The following LAMA2 variants were observed in gnomAD, a reference collection of about 807,000 sequenced individuals.
LAMA2 encodes laminin subunit alpha-2.
A neutral mutation model predicts 364.8 loss-of-function variants in LAMA2; 269 were observed. That is an observed-to-expected ratio of 0.74 (90% CI 0.67 to 0.82). The LOEUF (loss-of-function observed/expected upper bound fraction) is 0.82, where lower values mean the gene tolerates loss of function less well. LAMA2 is among the 40% of genes least tolerant of loss of function. The probability of loss-of-function intolerance (pLI) is 0.00; values close to 1 mark genes in which losing one functional copy is unlikely to be tolerated. For synonymous variants in LAMA2, 1,379 were observed against 1,370.6 expected, an observed-to-expected ratio of 1.01 and a Z score of -0.14; for missense variants, 3,807 against 3,873.2, an observed-to-expected ratio of 0.98 and a Z score of 0.45.
intron 10 of LAMA2, among the ~76,000 whole-genome samples, chr6:129,185,258 A>C (rs1245983987): frequency 6.6e-6 from 1 of 151,914 alleles, no homozygotes; most frequent in Non-Finnish European, 1.5e-5. Context: ...TATGAGAAAG[A>C]ATACAAGAAA....
At chr6:128,962,981 T>C (rs773025032) in intron 1 of LAMA2, among the ~76,000 whole-genome samples, 1 of 152,184 alleles carries the variant, frequency 6.6e-6, no homozygotes, top group Non-Finnish European at 1.5e-5. Flanking sequence ...TGATGAGAGA[T>C]AAAGATAATT....
chr6:129,150,820 T>C (rs1316742001), intron 7 of LAMA2, among the ~76,000 whole-genome samples: 2 of 152,158 alleles, frequency 1.3e-5, no homozygotes, highest in East Asian at 3.9e-4. Flanking sequence ...GTAAAAATTT[T>C]CTTTTCCAAG....
chr6:129,199,655 T>C (rs1032436291), intron 12 of LAMA2, among the ~76,000 whole-genome samples: 2 of 152,074 alleles, frequency 1.3e-5, no homozygotes, highest in Non-Finnish European at 2.9e-5. Flanking sequence ...TATACAAAAG[T>C]CAATCATGTT....
intron 1 of LAMA2, among the ~76,000 whole-genome samples, chr6:129,004,695 T>G (rs1784333627): frequency 6.6e-6 from 1 of 152,162 alleles, no homozygotes; most frequent in South Asian, 2.1e-4. Flanking sequence ...TAGTGTACTT[T>G]TCTTATTTTC....
chr6:129,454,425 C>A, intron 47 of LAMA2, 137 bp downstream of exon 47: 1 of 686,012 alleles, frequency 1.5e-6, no homozygotes, highest in Admixed American at 2.4e-5. Flanking sequence ...GAATTTTATA[C>A]ATGTCTGGGA....
intron 28 of LAMA2, 91 bp downstream of exon 28, chr6:129,320,746 T>C (rs550079304): frequency 1.3e-6 from 1 of 741,948 alleles, no homozygotes; most frequent in South Asian, 1.4e-5. Flanking sequence ...GCATACATAT[T>C]CTTAATCTAT....
chr6:129,210,600 G>C (rs1196633305), intron 12 of LAMA2, among the ~76,000 whole-genome samples: 1 of 152,154 alleles, frequency 6.6e-6, no homozygotes, highest in African/African-American at 2.4e-5. Context: ...AGAGTTTCTA[G>C]CTCTTTCTGA....
At chr6:129,224,355 T>C (rs1172232102) in intron 12 of LAMA2, among the ~76,000 whole-genome samples, 1 of 152,232 alleles carries the variant, frequency 6.6e-6, no homozygotes, top group Non-Finnish European at 1.5e-5. Context: ...CCTGCCTGAT[T>C]GCCCTGGCCA....
intron 1 of LAMA2, among the ~76,000 whole-genome samples, chr6:128,966,339 C>T (rs1781839964): frequency 6.6e-6 from 1 of 151,868 alleles, no homozygotes; most frequent in South Asian, 2.1e-4. Flanking sequence ...GTTTAAGATC[C>T]TTAAAGATCT....
In LAMA2 at chr6:129,098,399, C is replaced by A. The variant is rs183890063; in HGVS notation, c.623C>A (p.Pro208His). The stretch of plus-strand genomic sequence containing the variant: ...ACTTCATTTTACTCCAAGATACACC[C>A]CTTAGAAAATGGAGAGGTAAGATGA... ...ICTSFYSKIH[P>H]LENGEIHISL... Residue 208 changes from proline to histidine, a missense_variant, in exon 4 of 65, where the codon CCC (proline) becomes CAC (histidine). Pro to His is a moderately conservative substitution (Grantham distance 77). Transcript: ENST00000421865. 1.3e-4 allele frequency: 205 copies of A among 1,613,874 alleles called. No individual in the cohort carries two copies. Among genetic ancestry groups the A allele is most frequent in the Admixed American group, 7.5e-4 (45 of 60,004 alleles).
intron 32 of LAMA2, among the ~76,000 whole-genome samples, chr6:129,355,111 AT>A (rs1777078489): frequency 1.3e-5 from 2 of 152,170 alleles, no homozygotes; most frequent in South Asian, 4.1e-4. Context: ...CCAGAAAAAA[AT>A]ATTAAATTAT....
chr6:129,272,560 T>TAA (rs959300611), intron 17 of LAMA2, among the ~76,000 whole-genome samples: 1 of 151,360 alleles, frequency 6.6e-6, no homozygotes, highest in Non-Finnish European at 1.5e-5. Context: ...AAGACTTCTT[T>TAA]AAAAAAAAAT....
chr6:128,926,834 A>ATAAC lies in LAMA2; in HGVS notation c.112+43478_112+43481dup, dbSNP rs371156074. Among the ~76,000 whole-genome samples, 679 of 152,322 alleles carry ATAAC rather than the reference A, an allele frequency of 4.5e-3. 6 individuals carry two copies. Among genetic ancestry groups the ATAAC allele is most frequent in the African/African-American group, 0.015 (633 of 41,576 alleles). On this transcript the variant is annotated intron_variant, in intron 1 of 64. Transcript: ENST00000421865. ...AAAGATGTTTTAGTATTCATCAGAT[A>ATAAC]TAACGTTGTAGTATTATTGGTAACA...
At chr6:129,246,149 G>A (rs73774774) in intron 12 of LAMA2, among the ~76,000 whole-genome samples, 1 of 152,252 alleles carries the variant, frequency 6.6e-6, no homozygotes, top group Non-Finnish European at 1.5e-5. Context: ...TACCTTTGGG[G>A]TAGTATATAC....
chr6:129,383,595 T>C (rs1295847979), intron 35 of LAMA2, among the ~76,000 whole-genome samples: 1 of 152,254 alleles, frequency 6.6e-6, no homozygotes, highest in African/African-American at 2.4e-5. Flanking sequence ...TTCCACTTGA[T>C]ACATTAAAGC....
chr6:129,041,477 G>A (rs998774254), intron 1 of LAMA2, among the ~76,000 whole-genome samples: 4 of 152,174 alleles, frequency 2.6e-5, no homozygotes, highest in Non-Finnish European at 5.9e-5. Context: ...TGAAAAGATA[G>A]TTTTCCTTTG....
chr6:129,512,905 C>G (rs1208888598), intron 63 of LAMA2, among the ~76,000 whole-genome samples: 2 of 152,140 alleles, frequency 1.3e-5, no homozygotes, highest in African/African-American at 4.8e-5. Flanking sequence ...CTAGGCATCT[C>G]TTAGAAGCCA....
chr6:129,018,186 A>T (rs1232421445), intron 1 of LAMA2, among the ~76,000 whole-genome samples: 1 of 152,102 alleles, frequency 6.6e-6, no homozygotes. Flanking sequence ...AGGCTAAATA[A>T]TAAACTGTCT....
At chr6:129,284,402 T>G (rs1788950228) in intron 18 of LAMA2, among the ~76,000 whole-genome samples, 1 of 152,144 alleles carries the variant, frequency 6.6e-6, no homozygotes, top group African/African-American at 2.4e-5. Flanking sequence ...ATAATAGCAT[T>G]TGCATATCTC....
Sources: allele counts gnomAD v4.1 joint callset (sites outside exome capture counted in the v4.1 genomes callset), GRCh38; gene constraint gnomAD v4.1.1; transcripts MANE v1.5; gene names NCBI Gene and HGNC (gene_info 2026-07-23, HGNC 2026-07-21).